PRPF40B: variants seen among roughly 807,000 people sequenced by gnomAD.
PRPF40B encodes pre-mRNA-processing factor 40 homolog B.
PRPF40B carries 56 observed loss-of-function variants against 124.5 expected under a neutral mutation model. The ratio of observed to expected loss-of-function variants is 0.45; its 90% CI spans 0.36 to 0.56. The LOEUF (loss-of-function observed/expected upper bound fraction) is 0.56. PRPF40B is among the 20% of genes least tolerant of loss of function. PRPF40B has a pLI of 0.00. For synonymous variants in PRPF40B, 443 were observed against 426.4 expected (o/e 1.04, Z -0.48); for missense variants, 1,053 against 1,169.5 (o/e 0.90, Z 1.45).
upstream of PRPF40B, among the ~76,000 whole-genome samples, chr12:49,623,008 A>G (rs1301694601): frequency 7.3e-5 from 11 of 150,982 alleles, no homozygotes; most frequent in Admixed American, 7.2e-4. Context: ...GGGTCACGCG[A>G]GAAGCACGTG....
intron 1 of PRPF40B, chr12:49,623,893 A>G: frequency 8.5e-7 from 1 of 1,170,494 alleles, no homozygotes; most frequent in African/African-American, 1.6e-5. Context: ...AAAGATCGGG[A>G]AAGAAGAGAG....
At chr12:49,625,746 C>G (rs1940652731) in intron 1 of PRPF40B, among the ~76,000 whole-genome samples, 1 of 152,234 alleles carries the variant, frequency 6.6e-6, no homozygotes, top group Non-Finnish European at 1.5e-5. Context: ...GGATCTGCTT[C>G]TCTTTCAGCA....
At chr12:49,641,795 G>T in intron 18 of PRPF40B, 113 bp from the exon 19 acceptor site, 1 of 820,838 alleles carries the variant, frequency 1.2e-6, no homozygotes, top group East Asian at 2.5e-5. Context: ...CAGTCCTGTG[G>T]ATCTCTTCCA....
intron 2 of PRPF40B, among the ~76,000 whole-genome samples, chr12:49,630,971 G>A (rs1437957150): frequency 2.0e-5 from 3 of 152,154 alleles, no homozygotes; most frequent in South Asian, 4.1e-4. Flanking sequence ...CACAGAATTC[G>A]GGCTGGAATG....
At chr12:49,633,602 CCTGTGACTGA>C in intron 8 of PRPF40B, 25 bp from the exon 9 acceptor site, 1 of 1,614,216 alleles carries the variant, frequency 6.2e-7, no homozygotes, top group Non-Finnish European at 8.5e-7. Context: ...CCCTATTGCC[CCTGTGACTGA>C]CTGTGTTATC....
intron 12 of PRPF40B, 118 bp downstream of exon 12, chr12:49,634,720 ATT>A: frequency 7.5e-7 from 1 of 1,333,594 alleles, no homozygotes; most frequent in South Asian, 1.3e-5. Context: ...ACAGTGATAG[ATT>A]GGGTTGGGGT....
intron 2 of PRPF40B, 76 bp downstream of exon 2, chr12:49,630,701 C>A: frequency 5.9e-6 from 4 of 678,136 alleles, no homozygotes; most frequent in South Asian, 1.7e-5. Context: ...GCCACTGCTG[C>A]ATCACCAGCA....
chr12:49,644,053 C>T (rs756183644), intron 25 of PRPF40B, 47 bp from the exon 26 acceptor site: 10 of 1,614,036 alleles, frequency 6.2e-6, no homozygotes, highest in Admixed American at 3.3e-5. Context: ...CAAGCTTCCA[C>T]GGCCCTTAGT....
intron 15 of PRPF40B, chr12:49,636,362 T>G (rs1306996246): frequency 2.5e-6 from 1 of 405,550 alleles, no homozygotes; most frequent in Non-Finnish European, 4.5e-6. Context: ...TGGCCTGTAA[T>G]TACTGATGAT....
chr12:49,623,402 G>C (rs1052603371), upstream of PRPF40B: 8 of 373,694 alleles, frequency 2.1e-5, no homozygotes, highest in East Asian at 5.6e-5. Flanking sequence ...TCCGTGCCGG[G>C]GGGGCGGGGC....
chr12:49,643,455 G>GCCCT, intron 23 of PRPF40B, 58 bp downstream of exon 23: 1 of 1,515,370 alleles, frequency 6.6e-7, no homozygotes. Context: ...CTGAGAGGAT[G>GCCCT]CCCTCCACAA....
chr12:49,633,521 G>T lies in PRPF40B; in HGVS notation c.554G>T (p.Arg185Leu), dbSNP rs368976299. 3 of 1,614,190 alleles carry T rather than the reference G, an allele frequency of 1.9e-6. No individual in the cohort carries two copies. Among genetic ancestry groups the T allele is most frequent in the Non-Finnish European group, 2.5e-6 (3 of 1,180,016 alleles). Residue 185 changes from arginine to leucine, a missense_variant, in exon 8 of 26, where the codon CGG becomes CTG. Arg to Leu is a moderately radical substitution (Grantham distance 102). Transcript: ENST00000548825. Reference protein sequence around the residue: ...NNQSKESRWTRPKDLDDLEVL... With the variant: ...NNQSKESRWTLPKDLDDLEVL... ...CAGAGTAAAGAGTCCCGCTGGACCC[G>T]GCCCAAGGATCTGGATGACCTAGAG...
chr12:49,644,047 C>A, intron 25 of PRPF40B, 43 bp downstream of exon 25: 2 of 1,614,170 alleles, frequency 1.2e-6, no homozygotes, highest in Non-Finnish European at 1.7e-6. Flanking sequence ...GCTGGTCAAG[C>A]TTCCACGGCC....
chr12:49,643,934 A>T lies in PRPF40B; in HGVS notation c.2516A>T (p.Asp839Val). The T allele has an allele frequency of 6.2e-7, 1 of 1,614,246 alleles. No homozygotes were observed. Among genetic ancestry groups the T allele is most frequent in the Non-Finnish European group, 8.5e-7 (1 of 1,180,048 alleles). The change falls in exon 25 of 26, where the codon GAC becomes GTC. Residue 839 changes from aspartate (D) to valine (V), a missense_variant. Asp to Val is a radical substitution (Grantham distance 152). Transcript: ENST00000548825. ...AGCGATGAGAAAGAACAAGAACAGGACAAGGACAGGGAGCTCCAACAGGCA... is the reference window on the plus strand; with the variant it reads ...AGCGATGAGAAAGAACAAGAACAGGTCAAGGACAGGGAGCTCCAACAGGCA... ...KESDEKEQEQ[D>V]KDRELQQAEL... is the part of the protein sequence containing the mutation.
Position 49,634,334 on chromosome 12 carries a change from C to G in PRPF40B, c.815C>G (p.Ser272Cys), listed in dbSNP as rs770996754. The G allele has an allele frequency of 1.2e-6, 2 of 1,614,194 alleles. No homozygotes were observed. Among genetic ancestry groups the G allele is most frequent in the Non-Finnish European group, 1.7e-6 (2 of 1,180,038 alleles). ...LQQLEEGPSSSGQHQPQQEEE... is the reference protein window; with the variant it reads ...LQQLEEGPSSCGQHQPQQEEE... ...GCTGAGTCCCCTGTGCCCTCCAGTT[C>G]TGGACAGCATCAGCCACAGCAGGAG... The change falls in exon 11 of 26, where the codon TCT becomes TGT. Residue 272 changes from serine (S) to cysteine (C), a missense_variant and splice_region_variant. Around this residue, in one of 2 missense-constraint regions of PRPF40B, gnomAD observed 895 missense variants for 1,052.2 expected, o/e 0.85. Transcript: ENST00000548825.
intron 1 of PRPF40B, among the ~76,000 whole-genome samples, chr12:49,624,624 C>T (rs1400352652): frequency 6.6e-6 from 1 of 152,056 alleles, no homozygotes; most frequent in Non-Finnish European, 1.5e-5. Context: ...CCGAGGCGGG[C>T]GAATCACCTG....
chr12:49,642,256 C>CGGGAGA lies in PRPF40B; in HGVS notation c.1912_1917dup (p.Arg640_Glu641dup), dbSNP rs1565850488. 6.2e-7 allele frequency: 1 copy of CGGGAGA among 1,614,108 alleles called. No individual in the cohort carries two copies. The highest frequency in any genetic ancestry group is 1.1e-5 in the South Asian group (1 of 91,086). ...TCAGCTGCTGGAGAAAGCAGAGGCA[C>CGGGAGA]GGGAGAGGGAGCGGGAGAAGGAGGA... On this transcript the variant is annotated inframe_insertion, in exon 20 of 26. Transcript: ENST00000548825. The surrounding 1 kb of genome is among the most constrained non-coding windows in gnomAD (Gnocchi z 5.8).
At chr12:49,637,087 A>T in intron 16 of PRPF40B, 1 of 628,864 alleles carries the variant, frequency 1.6e-6, no homozygotes, top group Non-Finnish European at 2.7e-6. Flanking sequence ...AGTAGAGAGC[A>T]CCCTACAGGC....
chr12:49,626,650 C>T (rs557828533), intron 1 of PRPF40B, among the ~76,000 whole-genome samples: 45 of 152,184 alleles, frequency 3.0e-4, no homozygotes, highest in Non-Finnish European at 5.6e-4. Flanking sequence ...GAGTGTGGGG[C>T]GGCCTTCGTT....
Sources: allele counts gnomAD v4.1 joint callset (sites outside exome capture counted in the v4.1 genomes callset), GRCh38; gene constraint gnomAD v4.1.1; regional missense constraint gnomAD v4.1.1; non-coding constraint Gnocchi (gnomAD v3.1); transcripts MANE v1.5; gene names NCBI Gene and HGNC (gene_info 2026-07-23, HGNC 2026-07-21).